Variants in TEX2 observed in about 807,000 individuals in gnomAD.
TEX2 encodes testis expressed 2.
TEX2 carries 53 observed loss-of-function variants against 106.9 expected under a neutral mutation model. The observed-to-expected ratio is 0.50, with a 90% CI of 0.40 to 0.62. The LOEUF is 0.62. Ranked by LOEUF, TEX2 falls within the 20% of genes least tolerant of loss-of-function variation. The pLI, the probability that TEX2 is intolerant of heterozygous loss-of-function variation, is 0.00. For synonymous variants in TEX2, 523 were observed against 534.8 expected, an observed-to-expected ratio of 0.98 and a Z score of 0.30; for missense variants, 1,207 against 1,379.0, an observed-to-expected ratio of 0.88 and a Z score of 1.98.
At position 64,171,187 on chromosome 17, in the gene TEX2, T is replaced by C. The variant is rs772633604; in HGVS notation, c.2584A>G (p.Met862Val). ...KLSKIKLPYFMNELTLTELDM... is the reference protein window; with the variant it reads ...KLSKIKLPYFVNELTLTELDM... Reference sequence around the variant, plus strand: ...AGTTCCGTCAGAGTGAGCTCATTCATAAAGTAGGGGAGCTAGAGGAAACAA... The same window carrying C: ...AGTTCCGTCAGAGTGAGCTCATTCACAAAGTAGGGGAGCTAGAGGAAACAA... The change falls in exon 7 of 12, where the codon ATG becomes GTG. Residue 862 changes from methionine to valine, a missense_variant. Met to Val is a conservative substitution (Grantham distance 21, BLOSUM62 1). This residue lies in a region of TEX2 where 1,067 missense variants were observed against 1,193.6 expected (regional missense o/e 0.89). Transcript: ENST00000584379. 4 of 1,613,926 alleles carry C rather than the reference T, an allele frequency of 2.5e-6. No homozygotes were observed. The highest frequency in any genetic ancestry group is 2.2e-5 in the South Asian group (2 of 91,058).
At position 64,213,976 on chromosome 17, in the gene TEX2, A is replaced by G; in HGVS notation, c.242T>C (p.Val81Ala). 6.2e-7 allele frequency: 1 copy of G among 1,614,194 alleles called. No homozygotes were observed. Among genetic ancestry groups the G allele is most frequent in the South Asian group, 1.1e-5 (1 of 91,084 alleles). The change falls in exon 2 of 12, where the codon GTT (valine) becomes GCT (alanine). Residue 81 changes from valine (V) to alanine (A), a missense_variant. Val to Ala is a moderately conservative substitution (Grantham distance 64). Around this residue, in one of 3 missense-constraint regions of TEX2, gnomAD observed 1,067 missense variants for 1,193.6 expected, o/e 0.89. Coordinates refer to ENST00000584379, the MANE Select transcript of TEX2 (RefSeq NM_001288732.2). The surrounding 1 kb of genome is among the most constrained non-coding windows in gnomAD (Gnocchi z 4.4). ...AGCAGGGCCGGCGGGGTCATGGCCA[A>G]CTTGGGGTTCAAGATAGAGGTCTTC... is the stretch of plus-strand genomic sequence containing the variant. ...AKEDLYLEPQ[V>A]GHDPAGPAAS...
rs1184078987 is a variant in TEX2, at chr17:64,188,198, A to G, written c.2394T>C (p.Ser798=). ...SRSPQRSPLQ[S]AESSPTAGKK... The stretch of plus-strand genomic sequence containing the variant: ...TCCCAGCTGTGGGGCTGCTCTCCGC[A>G]CTCTGCAGGGGGCTCCTCTGGGGGC... Residue 798 remains serine, a synonymous_variant, in exon 5 of 12, where the codon AGT becomes AGC. Transcript: ENST00000584379. 10 of 1,611,330 alleles carry G rather than the reference A, an allele frequency of 6.2e-6. No homozygotes were observed. The South Asian group carries it at 1.1e-4, about 18-fold the overall frequency.
At chr17:64,214,270 T>A in intron 1 of TEX2, 28 bp from the exon 2 acceptor site, 1 of 1,558,098 alleles carries the variant, frequency 6.4e-7, no homozygotes, top group Middle Eastern at 1.8e-4. Flanking sequence ...AAACCAGAAG[T>A]CAGAGAGCAG....
chr17:64,255,451 A>G (rs1936729306), intron 1 of TEX2, among the ~76,000 whole-genome samples: 1 of 152,216 alleles, frequency 6.6e-6, no homozygotes. Context: ...ATCCACCAAC[A>G]ATGCTTCATT....
At chr17:64,177,115 T>A (rs1160717606) in intron 6 of TEX2, among the ~76,000 whole-genome samples, 1 of 152,152 alleles carries the variant, frequency 6.6e-6, no homozygotes, top group Non-Finnish European at 1.5e-5. Context: ...CACAAGAAAA[T>A]GAGTAAACAT....
chr17:64,181,197 G>C (rs1409489344), intron 5 of TEX2, among the ~76,000 whole-genome samples: 2 of 152,022 alleles, frequency 1.3e-5, no homozygotes. Context: ...GCAAAATTAG[G>C]CCGGGCGTGG....
chr17:64,216,827 C>A (rs2033202443), intron 1 of TEX2, among the ~76,000 whole-genome samples: 1 of 152,148 alleles, frequency 6.6e-6, no homozygotes, highest in East Asian at 1.9e-4. Context: ...GACCTCTGAT[C>A]AGACTGGGCG....
In TEX2 at chr17:64,188,240, G is replaced by A. The variant is rs1284044046; in HGVS notation, c.2352C>T (p.Val784=). The change falls in exon 5 of 12, where the codon GTC becomes GTT. Residue 784 remains valine, a synonymous_variant. Transcript: ENST00000584379. ...LDYSVYMGRC[V]PQESRSPQRS... The stretch of plus-strand genomic sequence containing the variant: ...TCTGGGGGCTTCGGCTTTCCTGGGG[G>A]ACACACCTGCCCATGTACACGCTGT... 1.2e-6 allele frequency: 2 copies of A among 1,613,520 alleles called. No homozygotes were observed. Among genetic ancestry groups the A allele is most frequent in the Admixed American group, 1.7e-5 (1 of 59,994 alleles).
intron 2 of TEX2, among the ~76,000 whole-genome samples, chr17:64,201,092 A>C (rs1555630041): frequency 6.6e-6 from 1 of 152,224 alleles, no homozygotes; most frequent in Admixed American, 6.5e-5. Context: ...ATCCAATTAC[A>C]CAAAAGACTG....
chr17:64,175,125 C>G (rs922904809), intron 6 of TEX2, among the ~76,000 whole-genome samples: 3 of 152,224 alleles, frequency 2.0e-5, no homozygotes, highest in Non-Finnish European at 2.9e-5. Context: ...TTAGTTCCTC[C>G]CAGGGGTACT....
Position 64,213,857 on chromosome 17 carries a change from C to G in TEX2, c.361G>C (p.Val121Leu). The G allele has an allele frequency of 6.2e-7, 1 of 1,614,212 alleles. No homozygotes were observed. Among genetic ancestry groups the G allele is most frequent in the Non-Finnish European group, 8.5e-7 (1 of 1,180,030 alleles). The change falls in exon 2 of 12, where the codon GTT (valine) becomes CTT (leucine). Residue 121 changes from valine (V) to leucine (L), a missense_variant. Physicochemically the swap from Val to Leu is conservative, Grantham distance 32. This residue lies in a region of TEX2 where 1,067 missense variants were observed against 1,193.6 expected (regional missense o/e 0.89). Transcript: ENST00000584379. This position sits in a 1 kb window ranked among gnomAD's most constrained non-coding sequence, Gnocchi z 4.4. Reference sequence around the variant, plus strand: ...GTACTTAATACTTGTGCTGCTGGAACAGGGGACTCCAACAGCTTTACAGTG... The same window carrying G: ...GTACTTAATACTTGTGCTGCTGGAAGAGGGGACTCCAACAGCTTTACAGTG... ...KNTVKLLESP[V>L]PAAQVLSTVP...
In TEX2 at chr17:64,153,886, C is replaced by A. The variant is rs560148107; in HGVS notation, c.2931-732G>T. ...GGTTGAGGCTGCATTGAGCTATGAT[C>A]GTGCCACTGCACTCCAGGCCTGGGT... On this transcript the variant is annotated intron_variant, in intron 9 of 11. Coordinates refer to ENST00000584379, the MANE Select transcript of TEX2 (RefSeq NM_001288732.2). The surrounding 1 kb of genome is among the most constrained non-coding windows in gnomAD (Gnocchi z 4.1). Among the ~76,000 whole-genome samples the A allele has an allele frequency of 6.6e-6, 1 of 152,126 alleles. No individual in the cohort carries two copies. The highest frequency in any genetic ancestry group is 1.9e-4 in the East Asian group (1 of 5,190).
chr17:64,184,360 C>T (rs1298576721), intron 5 of TEX2, among the ~76,000 whole-genome samples: 1 of 152,150 alleles, frequency 6.6e-6, no homozygotes, highest in Non-Finnish European at 1.5e-5. Context: ...CCTTGGCCTC[C>T]CAAAGTGCTC....
chr17:64,244,087 G>T (rs763398672), intron 1 of TEX2, among the ~76,000 whole-genome samples: 7 of 152,182 alleles, frequency 4.6e-5, no homozygotes, highest in Non-Finnish European at 7.3e-5. Flanking sequence ...GATTACAAGT[G>T]TGAACCACCG....
intron 5 of TEX2, among the ~76,000 whole-genome samples, chr17:64,186,293 G>GT (rs34416250): frequency 0.71 from 107,843 of 151,904 alleles, 38,392 homozygotes; most frequent in East Asian, 0.83. Flanking sequence ...TTGTAGAAAA[G>GT]TTTTATATCA....
chr17:64,261,844 T>A (rs1478140430), intron 1 of TEX2, among the ~76,000 whole-genome samples: 2 of 152,234 alleles, frequency 1.3e-5, no homozygotes, highest in African/African-American at 4.8e-5. Flanking sequence ...AAGAATATTG[T>A]TTATGGGCTA....
chr17:64,154,212 G>T (rs1277181002), intron 9 of TEX2, among the ~76,000 whole-genome samples: 2 of 152,212 alleles, frequency 1.3e-5, no homozygotes, highest in Non-Finnish European at 2.9e-5. Context: ...GATTTCAAAA[G>T]TGAATAGGTT....
At chr17:64,186,006 G>A (rs889117387) in intron 5 of TEX2, among the ~76,000 whole-genome samples, 2 of 152,182 alleles carry the variant, frequency 1.3e-5, no homozygotes, top group Non-Finnish European at 2.9e-5. Context: ...TGGAACAAGA[G>A]AGCCCCTGAC....
chr17:64,173,788 C>A (rs1045161535), intron 6 of TEX2, among the ~76,000 whole-genome samples: 1 of 152,108 alleles, frequency 6.6e-6, no homozygotes, highest in African/African-American at 2.4e-5. Context: ...CAGGAGCATG[C>A]CAAGTTAGAG....
Sources: allele counts gnomAD v4.1 joint callset (sites outside exome capture counted in the v4.1 genomes callset), GRCh38; gene constraint gnomAD v4.1.1; regional missense constraint gnomAD v4.1.1; non-coding constraint Gnocchi (gnomAD v3.1); transcripts MANE v1.5; gene names NCBI Gene and HGNC (gene_info 2026-07-23, HGNC 2026-07-21).